The following IFI27 variants were observed in gnomAD, a reference collection of about 807,000 sequenced individuals.
IFI27 encodes the protein interferon alpha-inducible protein 27, mitochondrial.
A neutral mutation model predicts 8.9 loss-of-function variants in IFI27; 3 were observed. The observed-to-expected ratio is 0.34, with a 90% confidence interval of 0.15 to 0.87. The LOEUF is 0.87. Ranked by LOEUF, IFI27 falls within the 40% of genes least tolerant of loss-of-function variation. IFI27 has a pLI of 0.51. For synonymous variants in IFI27, 66 were observed against 67.3 expected (o/e 0.98, Z 0.09); for missense variants, 152 against 157.7 (o/e 0.96, Z 0.19).
At position 94,116,533 on chromosome 14, in the gene IFI27, TGCCCCTC is replaced by T. The variant is rs1302505042; in HGVS notation, c.*11_*17del. 3.7e-6 allele frequency: 6 copies of T among 1,607,262 alleles called. No individual in the cohort carries two copies. Among genetic ancestry groups the T allele is most frequent in the Non-Finnish European group, 5.1e-6 (6 of 1,175,790 alleles). ...TCATTGCGAGGTTCTACTAGCTCCC[TGCCCCTC>T]GCCCTGCAGAGAAGAGAACCATGCC... is the stretch of plus-strand genomic sequence containing the variant. On this transcript the variant is annotated 3_prime_UTR_variant, in exon 5 of 5. Coordinates refer to ENST00000621160, the Ensembl canonical transcript of IFI27. The surrounding 1 kb of genome is among the most constrained non-coding windows in gnomAD (Gnocchi z 4.3).
Position 94,111,659 on chromosome 14 carries a change from G to A in IFI27, c.-24G>A, listed in dbSNP as rs752523703. 69 of 1,603,126 alleles carry A rather than the reference G, an allele frequency of 4.3e-5. No homozygotes were observed. Among genetic ancestry groups the A allele is most frequent in the Non-Finnish European group, 5.9e-5 (69 of 1,170,140 alleles). ...AAGTTGAGGATCTCTTACTCTCTAG[G>A]CCACGGAATTAACCCGAGCAGGCAT... On this transcript the variant is annotated 5_prime_UTR_variant, in exon 2 of 5. Transcript: ENST00000621160. This position sits in a 1 kb window ranked among gnomAD's most constrained non-coding sequence, Gnocchi z 4.3.
upstream of IFI27, among the ~76,000 whole-genome samples, chr14:94,108,006 C>A (rs1179901636): frequency 1.3e-5 from 2 of 152,172 alleles, no homozygotes; most frequent in Non-Finnish European, 2.9e-5. Context: ...CTTCCCCCAA[C>A]AGGCCAAGTG....
chr14:94,116,217 C>T lies in IFI27; in HGVS notation c.284-225C>T, dbSNP rs575241904. The T allele has an allele frequency of 2.6e-5, 17 of 666,202 alleles. No individual in the cohort carries two copies. The highest frequency in any genetic ancestry group is 1.4e-4 in the African/African-American group (8 of 56,296). The allele number at this position is 666,202 out of a possible 1,614,324, so 41.3% of individuals were successfully genotyped here. A position where few individuals can be genotyped will look rare whatever the true frequency, so the allele number is the denominator to read the frequency against. On this transcript the variant is annotated intron_variant, in intron 4 of 4. Coordinates refer to ENST00000621160, the Ensembl canonical transcript of IFI27. This position sits in a 1 kb window ranked among gnomAD's most constrained non-coding sequence, Gnocchi z 4.3. ...GGGTGCAGCCTCCTTCCCTGAAGAGCGAGGCTGCTTCTAGCTCTGGAGTTC... is the reference window on the plus strand; with the variant it reads ...GGGTGCAGCCTCCTTCCCTGAAGAGTGAGGCTGCTTCTAGCTCTGGAGTTC...
At chr14:94,106,395 T>C (rs1192367498), upstream of IFI27, among the ~76,000 whole-genome samples, 1 of 152,250 alleles carries the variant, frequency 6.6e-6, no homozygotes, top group Non-Finnish European at 1.5e-5. Context: ...ACTTCCCTAC[T>C]GTTTTCCATA....
chr14:94,111,973 C>T lies in IFI27; in HGVS notation c.91+200C>T, dbSNP rs904465396. On this transcript the variant is annotated intron_variant, in intron 2 of 4. Transcript: ENST00000621160. This position sits in a 1 kb window ranked among gnomAD's most constrained non-coding sequence, Gnocchi z 4.3. ...GGCAGGCAGACTCTGGCCAGATGCCCAGCCCTGGGTGTTCCACAGGTCCTC... is the reference window on the plus strand; with the variant it reads ...GGCAGGCAGACTCTGGCCAGATGCCTAGCCCTGGGTGTTCCACAGGTCCTC... 3 of 629,544 alleles carry T rather than the reference C, an allele frequency of 4.8e-6. No homozygotes were observed. Among genetic ancestry groups the T allele is most frequent in the Non-Finnish European group, 8.6e-6 (3 of 349,288 alleles). The allele number at this position is 629,544 out of a possible 1,614,324, so 39.0% of individuals were successfully genotyped here. A position where few individuals can be genotyped will look rare whatever the true frequency, so the allele number is the denominator to read the frequency against.
At chr14:94,114,656 C>G in intron 2 of IFI27, 195 bp from the exon 3 acceptor site, 1 of 610,796 alleles carries the variant, frequency 1.6e-6, no homozygotes, top group Non-Finnish European at 2.9e-6. Flanking sequence ...TGAGGTCAAA[C>G]TCCCCAGTGA....
chr14:94,109,802 C>T (rs1336398435), upstream of IFI27, among the ~76,000 whole-genome samples: 3 of 152,214 alleles, frequency 2.0e-5, no homozygotes, highest in Admixed American at 6.5e-5. Flanking sequence ...TCTTACAACT[C>T]GCACACTACT....
chr14:94,115,375 C>T (rs1166302941), intron 3 of IFI27: 3 of 524,676 alleles, frequency 5.7e-6, no homozygotes, highest in South Asian at 3.1e-5. Context: ...CTCTTTGAGC[C>T]GCTCTGAATG....
upstream of IFI27, among the ~76,000 whole-genome samples, chr14:94,107,883 C>T (rs1318781661): frequency 1.3e-5 from 2 of 152,050 alleles, no homozygotes; most frequent in East Asian, 3.9e-4. Flanking sequence ...GGTACATGTG[C>T]ACAACGTGCA....
rs968601715 is a variant in IFI27 at position 94,111,639 on chromosome 14, G to A, written c.-44G>A. The A allele has an allele frequency of 6.5e-7, 1 of 1,528,472 alleles. No homozygotes were observed. Among genetic ancestry groups the A allele is most frequent in the Non-Finnish European group, 9.1e-7 (1 of 1,102,276 alleles). The allele number at this position is 1,528,472 out of a possible 1,614,324, so 94.7% of individuals were successfully genotyped here. A position where few individuals can be genotyped will look rare whatever the true frequency, so the allele number is the denominator to read the frequency against. On this transcript the variant is annotated 5_prime_UTR_variant, in exon 2 of 5. Coordinates refer to ENST00000621160, the Ensembl canonical transcript of IFI27. The surrounding 1 kb of genome is among the most constrained non-coding windows in gnomAD (Gnocchi z 4.3). The stretch of plus-strand genomic sequence containing the variant: ...CCCTTCGGCAGGTCTGGCTGAAGTT[G>A]AGGATCTCTTACTCTCTAGGCCACG...
upstream of IFI27, among the ~76,000 whole-genome samples, chr14:94,106,766 A>G (rs979041789): frequency 5.9e-5 from 9 of 152,152 alleles, no homozygotes; most frequent in Non-Finnish European, 5.9e-5. Flanking sequence ...TGTACTCACA[A>G]TGGAAGGCAA....
chr14:94,116,415 C>T lies in IFI27; in HGVS notation c.284-27C>T. On this transcript the variant is annotated intron_variant, in intron 4 of 4. Transcript: ENST00000621160. The surrounding 1 kb of genome is among the most constrained non-coding windows in gnomAD (Gnocchi z 4.3). ...GAGCTTCCCCGACAGGCATGTCCCA[C>T]TCTGTCCACCCTCTGCTTCTTCCCA... 1 of 1,556,428 alleles carries T rather than the reference C, an allele frequency of 6.4e-7. No homozygotes were observed. Among genetic ancestry groups the T allele is most frequent in the Non-Finnish European group, 8.8e-7 (1 of 1,132,560 alleles).
chr14:94,107,936 A>G (rs1212457474), upstream of IFI27, among the ~76,000 whole-genome samples: 1 of 151,986 alleles, frequency 6.6e-6, no homozygotes, highest in Non-Finnish European at 1.5e-5. Flanking sequence ...GGTTTGCTGC[A>G]CCCATCAACT....
chr14:94,115,056 G>A (rs1419038463), intron 3 of IFI27, among the ~76,000 whole-genome samples, 176 bp downstream of exon 3: 2 of 152,246 alleles, frequency 1.3e-5, no homozygotes, highest in Non-Finnish European at 2.9e-5. Context: ...GAAGCTGGAA[G>A]CAGGGGGCTT....
At position 94,116,363 on chromosome 14, in the gene IFI27, G is replaced by A; in HGVS notation, c.284-79G>A. 1 of 982,782 alleles carries A rather than the reference G, an allele frequency of 1.0e-6. No homozygotes were observed. Among genetic ancestry groups the A allele is most frequent in the South Asian group, 1.4e-5 (1 of 73,184 alleles). 60.9% of individuals were successfully genotyped at this position (982,782 alleles called of 1,614,324 possible). On this transcript the variant is annotated intron_variant, in intron 4 of 4. Transcript: ENST00000621160. This position sits in a 1 kb window ranked among gnomAD's most constrained non-coding sequence, Gnocchi z 4.3. ...TCAGCCCCTGCTGAGGGTCACTGGA[G>A]TCTCTGACCCCACAGTCCTGCCCAC...
upstream of IFI27, among the ~76,000 whole-genome samples, chr14:94,106,311 T>C (rs1283719641): frequency 1.3e-5 from 2 of 152,254 alleles, no homozygotes; most frequent in African/African-American, 4.8e-5. Context: ...AGCACCCTGC[T>C]TTCAATTCTT....
exon 3 of IFI27, chr14:94,114,863 C>G: frequency 1.2e-6 from 2 of 1,614,124 alleles, no homozygotes; most frequent in African/African-American, 1.3e-5. Context: ...AGGATTGCTA[C>G]AGTTGTGATT....
rs1004746403 is a variant in IFI27, at chr14:94,116,319, T to C, written c.284-123T>C. 9 of 703,442 alleles carry C rather than the reference T, an allele frequency of 1.3e-5. No individual in the cohort carries two copies. Among genetic ancestry groups the C allele is most frequent in the African/African-American group, 1.2e-4 (7 of 56,502 alleles). The allele number at this position is 703,442 out of a possible 1,614,324, so 43.6% of individuals were successfully genotyped here. A position where few individuals can be genotyped will look rare whatever the true frequency, so the allele number is the denominator to read the frequency against. On this transcript the variant is annotated intron_variant, in intron 4 of 4. Coordinates refer to ENST00000621160, the Ensembl canonical transcript of IFI27. The surrounding 1 kb of genome is among the most constrained non-coding windows in gnomAD (Gnocchi z 4.3). ...GGTACTGGGAAACAGAGAGGGGAAC[T>C]GGGTGGGGTCTGTAAGCCTCAGCCC...
At chr14:94,107,029 A>G (rs1217203632), upstream of IFI27, among the ~76,000 whole-genome samples, 2 of 152,116 alleles carry the variant, frequency 1.3e-5, no homozygotes, top group East Asian at 1.9e-4. Flanking sequence ...TGAAATGTCC[A>G]TTTAAGTCTT....
Sources: gnomAD v4.1 joint callset for allele counts (sites outside exome capture counted in the v4.1 genomes callset) on GRCh38, gnomAD v4.1.1 for gene constraint, Gnocchi (gnomAD v3.1) non-coding constraint, MANE v1.5 for transcripts, NCBI Gene and HGNC (gene_info 2026-07-23, HGNC 2026-07-21) for gene names.